Variants in NUP93 observed in about 807,000 individuals in gnomAD.
NUP93 encodes the protein nucleoporin 93, also known as nuclear pore complex protein Nup93.
Under a neutral mutation model 107.8 loss-of-function variants are expected in NUP93, and 55 were observed. The ratio of observed to expected loss-of-function variants is 0.51; its 90% confidence interval spans 0.41 to 0.64. The LOEUF (loss-of-function observed/expected upper bound fraction) is 0.64. Ranked by LOEUF, NUP93 falls within the 30% of genes least tolerant of loss-of-function variation. The pLI is 0.00. For missense variants in NUP93, 937 were observed against 1,044.7 expected (o/e 0.90, Z 1.42); for synonymous variants, 390 against 397.5 (o/e 0.98, Z 0.22).
intron 5 of NUP93, among the ~76,000 whole-genome samples, chr16:56,808,778 A>G (rs1963245205): frequency 6.9e-6 from 1 of 145,270 alleles, no homozygotes; most frequent in Admixed American, 7.0e-5. Context: ...ATATATAAAT[A>G]CATATATAAA....
chr16:56,740,206 G>A (rs1309307046), intron 1 of NUP93, among the ~76,000 whole-genome samples: 508 of 118,968 alleles, frequency 4.3e-3, no homozygotes, highest in East Asian at 0.014. Flanking sequence ...GCTGCCGGGC[G>A]GAGAGGCTCC....
intron 10 of NUP93, 181 bp from the exon 11 acceptor site, chr16:56,831,661 G>T: frequency 1.7e-6 from 1 of 588,656 alleles, no homozygotes; most frequent in Non-Finnish European, 3.0e-6. Flanking sequence ...GGTGCAGGTA[G>T]TTGCAAGTCA....
intron 2 of NUP93, among the ~76,000 whole-genome samples, chr16:56,754,286 G>T (rs1389480098): frequency 1.3e-5 from 2 of 152,166 alleles, no homozygotes; most frequent in South Asian, 2.1e-4. Context: ...TGAGATTTGG[G>T]TGGGGACACA....
At position 56,846,247 on chromosome 16, in the gene NUP93, C is replaced by T. The variant is rs546738853; in HGVS notation, c.*1638C>T. 4.0e-5 allele frequency: 6 copies of T among 151,438 alleles called. No individual in the cohort carries two copies. In the East Asian group the frequency reaches 7.7e-4, roughly 20 times the overall value. The allele number at this position is 151,438 out of a possible 1,614,324, so 9.4% of individuals were successfully genotyped here. On this transcript the variant is annotated 3_prime_UTR_variant, in exon 22 of 22. Coordinates refer to ENST00000308159, the MANE Select transcript of NUP93 (RefSeq NM_014669.5). ...CCAACATTGTGACACCCCGTCTATA[C>T]TAAAAATACAAAAATTAGCCGGGCA...
In NUP93 at chr16:56,831,863, C is replaced by G. The variant is rs1963797201; in HGVS notation, c.1107C>G (p.Asn369Lys). The G allele has an allele frequency of 6.2e-7, 1 of 1,613,880 alleles. No homozygotes were observed. The highest frequency in any genetic ancestry group is 1.3e-5 in the African/African-American group (1 of 74,874). ...KDRRLSPATE[N>K]KLRLHYRRAL... ...GTAGATTGTCCCCAGCTACGGAAAACAAGCTCCGGCTGCATTACCGTAGGG... is the reference window on the plus strand; with the variant it reads ...GTAGATTGTCCCCAGCTACGGAAAAGAAGCTCCGGCTGCATTACCGTAGGG... The change falls in exon 11 of 22, where the codon AAC becomes AAG. Residue 369 changes from asparagine (N) to lysine (K), a missense_variant. Physicochemically the swap from Asn to Lys is moderately conservative, Grantham distance 94. Transcript: ENST00000308159.
chr16:56,803,972 G>C (rs1963078074), intron 4 of NUP93, among the ~76,000 whole-genome samples: 1 of 152,022 alleles, frequency 6.6e-6, no homozygotes, highest in Admixed American at 6.6e-5. Context: ...GGGTGGTCTT[G>C]AACTCTTGAC....
intron 5 of NUP93, among the ~76,000 whole-genome samples, chr16:56,816,643 C>CT (rs1380604577): frequency 2.0e-5 from 3 of 152,186 alleles, no homozygotes; most frequent in African/African-American, 7.2e-5. Context: ...CCCAAGTATA[C>CT]TAGCAGGCTT....
At chr16:56,824,629 T>G (rs1963619837) in intron 8 of NUP93, among the ~76,000 whole-genome samples, 1 of 152,252 alleles carries the variant, frequency 6.6e-6, no homozygotes, top group African/African-American at 2.4e-5. Context: ...ACTCAGCCTC[T>G]GCACCTGCCA....
At chr16:56,808,632 A>G (rs1963232427) in intron 5 of NUP93, among the ~76,000 whole-genome samples, 2 of 134,072 alleles carry the variant, frequency 1.5e-5, no homozygotes. Flanking sequence ...ATATATAAAT[A>G]CATTTATATA....
chr16:56,812,874 C>T (rs895200283), intron 5 of NUP93, among the ~76,000 whole-genome samples: 4 of 152,162 alleles, frequency 2.6e-5, no homozygotes, highest in East Asian at 1.9e-4. Flanking sequence ...TGCATCTGCT[C>T]AGCATGAGGA....
intron 21 of NUP93, among the ~76,000 whole-genome samples, chr16:56,842,200 C>T (rs902655638): frequency 2.0e-5 from 3 of 152,178 alleles, no homozygotes; most frequent in Non-Finnish European, 2.9e-5. Context: ...TATTTTTGAT[C>T]AACACATTAA....
chr16:56,785,007 C>G (rs975513879), intron 3 of NUP93, among the ~76,000 whole-genome samples: 4 of 152,132 alleles, frequency 2.6e-5, no homozygotes, highest in Non-Finnish European at 4.4e-5. Context: ...TATTAACTTA[C>G]GGAATAAGAG....
Position 56,821,518 on chromosome 16 carries a change from T to A in NUP93, c.579T>A (p.Asn193Lys). The A allele has an allele frequency of 5.0e-6, 8 of 1,605,670 alleles. No homozygotes were observed. Among genetic ancestry groups the A allele is most frequent in the Non-Finnish European group, 6.8e-6 (8 of 1,172,392 alleles). ...TATCATTTCAGATTTATATCTATAATGAGAAAATTGTAAATGGACACCTGC... is the reference window on the plus strand; with the variant it reads ...TATCATTTCAGATTTATATCTATAAAGAGAAAATTGTAAATGGACACCTGC... ...MAYARQIYIY[N>K]EKIVNGHLQP... Residue 193 changes from asparagine to lysine, a missense_variant, in exon 7 of 22, where the codon AAT (asparagine) becomes AAA (lysine). Asn to Lys is a moderately conservative substitution (Grantham distance 94, BLOSUM62 0). Coordinates refer to ENST00000308159, the MANE Select transcript of NUP93 (RefSeq NM_014669.5).
chr16:56,813,727 G>A (rs1317312465), intron 5 of NUP93, among the ~76,000 whole-genome samples: 5 of 152,132 alleles, frequency 3.3e-5, no homozygotes, highest in East Asian at 1.9e-4. Flanking sequence ...ATCTCAAATA[G>A]TATCATTTTA....
intron 3 of NUP93, among the ~76,000 whole-genome samples, chr16:56,760,403 G>C (rs117108664): frequency 0.021 from 3,214 of 152,196 alleles, 60 homozygotes; most frequent in East Asian, 0.076. Context: ...ACCTGAGACT[G>C]GGTAATATAT....
At chr16:56,733,955 G>A (rs1426895325) in intron 1 of NUP93, among the ~76,000 whole-genome samples, 1 of 152,188 alleles carries the variant, frequency 6.6e-6, no homozygotes, top group African/African-American at 2.4e-5. Flanking sequence ...GATCTGTTAG[G>A]TACACCAAAG....
At chr16:56,757,394 C>T (rs1350573916) in intron 2 of NUP93, among the ~76,000 whole-genome samples, 2 of 152,144 alleles carry the variant, frequency 1.3e-5, no homozygotes, top group Non-Finnish European at 2.9e-5. Context: ...GCAGGAGGAT[C>T]GCTTGGCCAG....
In NUP93 at chr16:56,846,196, A is replaced by T. The variant is rs1211699425; in HGVS notation, c.*1587A>T. On this transcript the variant is annotated 3_prime_UTR_variant, in exon 22 of 22. Transcript: ENST00000308159. ...GGAGGCCAAGGCAGGTGATCACCTG[A>T]GATCAGGAGTTCAAGACCAGCCTGG... is the stretch of plus-strand genomic sequence containing the variant. 6.8e-6 allele frequency: 1 copy of T among 147,222 alleles called. No individual in the cohort carries two copies. The highest frequency in any genetic ancestry group is 2.5e-5 in the African/African-American group (1 of 39,446). The allele number at this position is 147,222 out of a possible 1,614,324, so 9.1% of individuals were successfully genotyped here. A position where few individuals can be genotyped will look rare whatever the true frequency, so the allele number is the denominator to read the frequency against.
chr16:56,800,843 T>C (rs1383971857), intron 4 of NUP93, among the ~76,000 whole-genome samples: 17 of 152,318 alleles, frequency 1.1e-4, no homozygotes, highest in Admixed American at 3.9e-4. Flanking sequence ...AATAAACGGG[T>C]GTGAAGTCAA....
Sources: allele counts gnomAD v4.1 joint callset (sites outside exome capture counted in the v4.1 genomes callset), GRCh38; gene constraint gnomAD v4.1.1; transcripts MANE v1.5; gene names NCBI Gene and HGNC (gene_info 2026-07-23, HGNC 2026-07-21).